Variants in RSRC1 observed in about 807,000 individuals in gnomAD.
RSRC1 encodes the protein serine/Arginine-related protein 53.
A neutral mutation model predicts 49.1 loss-of-function variants in RSRC1; 39 were observed. The observed-to-expected ratio is 0.79, with a 90% CI of 0.61 to 1.04. RSRC1 has a LOEUF of 1.04. RSRC1 is among the 50% of genes least tolerant of loss of function. The pLI is 0.00. For synonymous variants in RSRC1, 143 were observed against 130.8 expected (o/e 1.09, Z -0.63); for missense variants, 388 against 402.4 (o/e 0.96, Z 0.31).
At chr3:158,468,185 G>A (rs774148604) in intron 7 of RSRC1, among the ~76,000 whole-genome samples, 8 of 152,194 alleles carry the variant, frequency 5.3e-5, no homozygotes, top group East Asian at 1.9e-4. Flanking sequence ...CGCCTGCCTC[G>A]GCCTCCCAAA....
rs748235666 is a variant in RSRC1, at chr3:158,537,190, G to A, written c.751G>A (p.Val251Ile). 8 of 1,574,288 alleles carry A rather than the reference G, an allele frequency of 5.1e-6. No homozygotes were observed. The highest frequency in any genetic ancestry group is 1.9e-5 in the Admixed American group (1 of 52,458). ...VQQTFRSSKE[V>I]KKSVEPSEVK... is the part of the protein sequence containing the mutation. Reference sequence around the variant, plus strand: ...GCAGACATTCAGATCAAGTAAAGAAGTCAAAAAGGTAAGTTTTTATCCACC... The same window carrying A: ...GCAGACATTCAGATCAAGTAAAGAAATCAAAAAGGTAAGTTTTTATCCACC... Residue 251 changes from valine (V) to isoleucine (I), a missense_variant, in exon 8 of 10, where the codon GTC becomes ATC. Transcript: ENST00000611884.
rs1200921481 is a variant in RSRC1, at chr3:158,345,181, T to C, written c.532-9676T>C. On this transcript the variant is annotated intron_variant, in intron 5 of 9. Transcript: ENST00000611884. Reference sequence around the variant, plus strand: ...GGCAGAAGTTGCAGTGAGCCGAGATTGTGCCGCTGCACTCCAGTGTGGGCG... The same window carrying C: ...GGCAGAAGTTGCAGTGAGCCGAGATCGTGCCGCTGCACTCCAGTGTGGGCG... Among the ~76,000 whole-genome samples the C allele has an allele frequency of 2.6e-5, 4 of 152,012 alleles. 1 individual carries two copies. Among genetic ancestry groups the C allele is most frequent in the Middle Eastern group, 6.8e-3 (2 of 294 alleles).
intron 3 of RSRC1, among the ~76,000 whole-genome samples, chr3:158,175,137 A>G (rs566660282): frequency 6.6e-6 from 1 of 152,086 alleles, no homozygotes; most frequent in African/African-American, 2.4e-5. Context: ...ATGCTTGTTT[A>G]GTCTCATCTA....
chr3:158,293,436 T>G (rs960264972), intron 4 of RSRC1, among the ~76,000 whole-genome samples: 4 of 152,106 alleles, frequency 2.6e-5, no homozygotes, highest in African/African-American at 9.7e-5. Flanking sequence ...TGGGAAACCC[T>G]TCTGAATCAT....
intron 6 of RSRC1, among the ~76,000 whole-genome samples, chr3:158,402,751 T>C (rs1733959621): frequency 6.6e-6 from 1 of 151,932 alleles, no homozygotes; most frequent in African/African-American, 2.4e-5. Flanking sequence ...TGTCATTTGC[T>C]GACTCATACT....
At chr3:158,411,321 G>T (rs1734453964) in intron 6 of RSRC1, among the ~76,000 whole-genome samples, 2 of 152,028 alleles carry the variant, frequency 1.3e-5, no homozygotes, top group African/African-American at 4.8e-5. Flanking sequence ...CCTAAAAGTG[G>T]AATTGCTGTG....
chr3:158,135,523 A>G lies in RSRC1; in HGVS notation c.320+11532A>G, dbSNP rs148055345. The stretch of plus-strand genomic sequence containing the variant: ...TCAAACTCCTGACCTCAAGTGATCT[A>G]CACGCCTAGGCCTCCCAAAGTGCTG... On this transcript the variant is annotated intron_variant, in intron 3 of 9. Coordinates refer to ENST00000611884, the MANE Select transcript of RSRC1 (RefSeq NM_001271838.2). 8.8e-3 allele frequency among the ~76,000 whole-genome samples: 1,330 copies of G among 151,024 alleles called. 16 individuals are homozygous for G. The highest frequency in any genetic ancestry group is 0.031 in the African/African-American group (1,273 of 41,014).
At chr3:158,149,142 T>C (rs1221124990) in intron 3 of RSRC1, among the ~76,000 whole-genome samples, 1 of 152,246 alleles carries the variant, frequency 6.6e-6, no homozygotes, top group East Asian at 1.9e-4. Flanking sequence ...ATAGCTTCTT[T>C]ACCTACTACT....
At chr3:158,236,365 A>G (rs1422589035) in intron 4 of RSRC1, among the ~76,000 whole-genome samples, 1 of 152,200 alleles carries the variant, frequency 6.6e-6, no homozygotes, top group African/African-American at 2.4e-5. Context: ...ACTTGTGGTG[A>G]AATGCACAGA....
At chr3:158,334,648 T>TC (rs1491539744) in intron 5 of RSRC1, among the ~76,000 whole-genome samples, 1 of 113,966 alleles carries the variant, frequency 8.8e-6, no homozygotes, top group Non-Finnish European at 1.8e-5. Flanking sequence ...ACCCAGCTAA[T>TC]TTGTGTGTGT....
chr3:158,157,705 C>G (rs1300841351), intron 3 of RSRC1, among the ~76,000 whole-genome samples: 1 of 152,124 alleles, frequency 6.6e-6, no homozygotes, highest in Non-Finnish European at 1.5e-5. Flanking sequence ...CACCTGAGGT[C>G]GGGAGTTTGA....
intron 4 of RSRC1, among the ~76,000 whole-genome samples, chr3:158,255,738 G>T (rs1019346501): frequency 2.6e-5 from 4 of 152,188 alleles, no homozygotes; most frequent in African/African-American, 9.7e-5. Context: ...TCGTTGAGCA[G>T]TGGTTTATAG....
chr3:158,525,022 T>A (rs1576607500), intron 7 of RSRC1, among the ~76,000 whole-genome samples: 1 of 152,162 alleles, frequency 6.6e-6, no homozygotes, highest in East Asian at 1.9e-4. Flanking sequence ...ATGCAAAGAT[T>A]TTTTGGATAA....
At chr3:158,347,414 C>G (rs1730615091) in intron 5 of RSRC1, among the ~76,000 whole-genome samples, 1 of 152,146 alleles carries the variant, frequency 6.6e-6, no homozygotes, top group Admixed American at 6.5e-5. Context: ...TCTCTTCAAA[C>G]AGGAAGTTCC....
intron 4 of RSRC1, among the ~76,000 whole-genome samples, chr3:158,268,875 A>C (rs767432670): frequency 5.8e-4 from 89 of 152,198 alleles, no homozygotes; most frequent in Non-Finnish European, 9.0e-4. Context: ...AGAATTCTTG[A>C]ACACTTTTGT....
chr3:158,500,156 G>A (rs1269108791), intron 7 of RSRC1, among the ~76,000 whole-genome samples: 2 of 152,232 alleles, frequency 1.3e-5, no homozygotes, highest in East Asian at 3.9e-4. Flanking sequence ...TGCTTATGTG[G>A]TGTATGACAT....
intron 3 of RSRC1, among the ~76,000 whole-genome samples, chr3:158,172,286 C>T (rs574013384): frequency 5.6e-4 from 85 of 152,146 alleles, no homozygotes; most frequent in Non-Finnish European, 9.3e-4. Flanking sequence ...TGCTAAAAAA[C>T]GTAAAGGAGA....
intron 5 of RSRC1, among the ~76,000 whole-genome samples, chr3:158,333,000 G>A (rs1313794275): frequency 4.2e-5 from 6 of 144,572 alleles, no homozygotes; most frequent in Admixed American, 2.1e-4. Flanking sequence ...ACAGAGTCTC[G>A]CTCTTTCGCC....
intron 7 of RSRC1, among the ~76,000 whole-genome samples, chr3:158,531,390 C>G (rs1055066055): frequency 5.3e-5 from 8 of 152,000 alleles, no homozygotes; most frequent in African/African-American, 1.4e-4. Flanking sequence ...AAAGCTTAGC[C>G]TGATGCCCAG....
Sources: gnomAD v4.1 joint callset for allele counts (sites outside exome capture counted in the v4.1 genomes callset) on GRCh38, gnomAD v4.1.1 for gene constraint, MANE v1.5 for transcripts, NCBI Gene and HGNC (gene_info 2026-07-23, HGNC 2026-07-21) for gene names.